The following NUFIP1 variants were observed in gnomAD, a reference collection of about 807,000 sequenced individuals.
The protein encoded by NUFIP1 is FMR1-interacting protein NUFIP1.
Under a neutral mutation model 56.2 loss-of-function variants are expected in NUFIP1, and 38 were observed. The ratio of observed to expected loss-of-function variants is 0.68; its 90% CI spans 0.52 to 0.89. The LOEUF (loss-of-function observed/expected upper bound fraction) is 0.89, where lower values mean the gene tolerates loss of function less well. Among genes scored for constraint, NUFIP1 ranks in the 40% least tolerant of loss-of-function variants. The pLI, the probability that NUFIP1 is intolerant of heterozygous loss-of-function variation, is 0.00. For synonymous variants in NUFIP1, 215 were observed against 212.4 expected (o/e 1.01, Z -0.10); for missense variants, 567 against 605.8 (o/e 0.94, Z 0.67).
chr13:44,984,980 A>G (rs1319381226), intron 1 of NUFIP1, among the ~76,000 whole-genome samples: 1 of 152,172 alleles, frequency 6.6e-6, no homozygotes, highest in Non-Finnish European at 1.5e-5. Flanking sequence ...TGTCCTTGCA[A>G]TAGTTTACTG....
intron 8 of NUFIP1, among the ~76,000 whole-genome samples, chr13:44,947,673 T>C (rs1870944411): frequency 6.6e-6 from 1 of 152,208 alleles, no homozygotes; most frequent in East Asian, 1.9e-4. Flanking sequence ...TACTGTTCCA[T>C]CTTAAGAAAC....
intron 5 of NUFIP1, among the ~76,000 whole-genome samples, chr13:44,974,513 T>C (rs1487408083): frequency 6.6e-6 from 1 of 152,156 alleles, no homozygotes; most frequent in Non-Finnish European, 1.5e-5. Context: ...TGAAAGTAAG[T>C]GGCTGAAACT....
At chr13:44,952,715 A>G (rs1871121472) in intron 7 of NUFIP1, among the ~76,000 whole-genome samples, 1 of 152,258 alleles carries the variant, frequency 6.6e-6, no homozygotes, top group Non-Finnish European at 1.5e-5. Flanking sequence ...TAAGAAGTTA[A>G]CACTGGTACC....
intron 1 of NUFIP1, among the ~76,000 whole-genome samples, chr13:44,987,661 G>A (rs1872450943): frequency 6.6e-6 from 1 of 152,138 alleles, no homozygotes; most frequent in African/African-American, 2.4e-5. Context: ...GGTATCCCCA[G>A]ATCTAGAATC....
At position 44,980,724 on chromosome 13, in the gene NUFIP1, T is replaced by C. The variant is rs952456826; in HGVS notation, c.592A>G (p.Lys198Glu). The change falls in exon 3 of 10, where the codon AAA (lysine) becomes GAA (glutamate). Residue 198 changes from lysine to glutamate, a missense_variant and splice_region_variant. Lys to Glu is a moderately conservative substitution (Grantham distance 56). Transcript: ENST00000379161. ...TCAGGACAACTAAGAAAACCTACTT[T>C]TGTATGTTCAGACATGTGTTTGTCA... ...KYDKHMSEHT[K>E]CPELDCSFTA... The C allele has an allele frequency of 6.9e-6, 11 of 1,591,360 alleles. No homozygotes were observed. The highest frequency in any genetic ancestry group is 1.8e-5 in the Admixed American group (1 of 55,056).
chr13:44,956,811 C>A (rs540679378), intron 7 of NUFIP1, among the ~76,000 whole-genome samples: 1 of 152,242 alleles, frequency 6.6e-6, no homozygotes, highest in East Asian at 1.9e-4. Context: ...ATCCCCGCTC[C>A]CCCCTGGGGT....
chr13:44,952,843 C>T (rs1162978990), intron 7 of NUFIP1, among the ~76,000 whole-genome samples: 1 of 152,222 alleles, frequency 6.6e-6, no homozygotes, highest in Non-Finnish European at 1.5e-5. Flanking sequence ...GTCATGACTC[C>T]TTAATCTTCT....
intron 9 of NUFIP1, among the ~76,000 whole-genome samples, chr13:44,942,838 T>C (rs1400415560): frequency 6.6e-6 from 1 of 152,054 alleles, no homozygotes; most frequent in African/African-American, 2.4e-5. Flanking sequence ...TGGTAGTGCA[T>C]GCCCATAGTC....
Position 44,982,059 on chromosome 13 carries a change from A to G in NUFIP1, c.495+13T>C. 7.0e-7 allele frequency: 1 copy of G among 1,433,772 alleles called. No individual in the cohort carries two copies. The highest frequency in any genetic ancestry group is 9.3e-7 in the Non-Finnish European group (1 of 1,075,558). The allele number at this position is 1,433,772 out of a possible 1,614,324, so 88.8% of individuals were successfully genotyped here. ...GGACCAAGGGGTCAAATTCAAGAAC[A>G]TCTTTCAAATACCTTTTTTTTCTGT... On this transcript the variant is annotated intron_variant, in intron 2 of 9. Transcript: ENST00000379161.
At chr13:44,979,085 C>T in intron 5 of NUFIP1, 105 bp downstream of exon 5, 1 of 878,422 alleles carries the variant, frequency 1.1e-6, no homozygotes, top group Non-Finnish European at 1.8e-6. Flanking sequence ...CCTTATGGTC[C>T]TCTTCCCTAG....
At chr13:44,965,202 C>T (rs1282811554) in intron 6 of NUFIP1, among the ~76,000 whole-genome samples, 1 of 152,192 alleles carries the variant, frequency 6.6e-6, no homozygotes, top group African/African-American at 2.4e-5. Context: ...CCTGTCTCTG[C>T]CTGCTGCCAT....
Position 44,980,435 on chromosome 13 carries a change from C to T in NUFIP1, c.594+287G>A, listed in dbSNP as rs187308689. Reference sequence around the variant, plus strand: ...AAAGGGGAAAGAACTCATTAAGATGCACAAGGTAACTAGAGGAGAGGACAG... The same window carrying T: ...AAAGGGGAAAGAACTCATTAAGATGTACAAGGTAACTAGAGGAGAGGACAG... On this transcript the variant is annotated intron_variant, in intron 3 of 9. Transcript: ENST00000379161. 2.0e-5 allele frequency among the ~76,000 whole-genome samples: 3 copies of T among 152,282 alleles called. No individual in the cohort carries two copies. The East Asian group carries it at 5.8e-4, about 29-fold the overall frequency.
At chr13:44,955,788 C>A (rs1593360221) in intron 7 of NUFIP1, among the ~76,000 whole-genome samples, 2 of 151,610 alleles carry the variant, frequency 1.3e-5, no homozygotes, top group East Asian at 3.9e-4. Context: ...TGTCTTGGGC[C>A]ACACATAAAA....
At chr13:44,985,393 AATC>A in intron 1 of NUFIP1, among the ~76,000 whole-genome samples, 1 of 152,114 alleles carries the variant, frequency 6.6e-6, no homozygotes, top group Non-Finnish European at 1.5e-5. Context: ...TCTTTCAGTA[AATC>A]ATGCAGTCCC....
At chr13:44,981,989 G>C in intron 2 of NUFIP1, 83 bp downstream of exon 2, 1 of 653,482 alleles carries the variant, frequency 1.5e-6, no homozygotes, top group South Asian at 4.8e-5. Context: ...GCAAAACACT[G>C]AAGACAGTTA....
At chr13:44,967,120 G>T (rs1871632224) in intron 5 of NUFIP1, among the ~76,000 whole-genome samples, 1 of 152,066 alleles carries the variant, frequency 6.6e-6, no homozygotes, top group Admixed American at 6.6e-5. Context: ...GGAATGGAAA[G>T]ACTATATCTA....
Position 44,989,091 on chromosome 13 carries a change from T to C in NUFIP1, c.346A>G (p.Thr116Ala), listed in dbSNP as rs750851993. The C allele has an allele frequency of 2.4e-5, 38 of 1,613,978 alleles. No homozygotes were observed. The highest frequency in any genetic ancestry group is 2.8e-5 in the Non-Finnish European group (33 of 1,180,018). ...SGQPWNFHAS[T>A]SWYWRQSSDR... ...GAAGACTGTCTCCAATACCACGATG[T>C]GGAAGCATGGAAATTCCAAGGCTGG... Residue 116 changes from threonine to alanine, a missense_variant, in exon 1 of 10, where the codon ACA (threonine) becomes GCA (alanine). Physicochemically the swap from Thr to Ala is moderately conservative, Grantham distance 58. Transcript: ENST00000379161.
chr13:44,949,199 AT>A (rs11421255), intron 8 of NUFIP1, among the ~76,000 whole-genome samples: 2,905 of 112,438 alleles, frequency 0.026, 27 homozygotes, highest in East Asian at 0.1. Flanking sequence ...ATTATATTGT[AT>A]TTTTTTTTTT....
At position 44,979,311 on chromosome 13, in the gene NUFIP1, G is replaced by A. The variant is rs375969365; in HGVS notation, c.658-45C>T. 16 of 1,485,498 alleles carry A rather than the reference G, an allele frequency of 1.1e-5. No individual in the cohort carries two copies. The African/African-American group carries it at 2.2e-4, about 21-fold the overall frequency. The allele number at this position is 1,485,498 out of a possible 1,614,324, so 92.0% of individuals were successfully genotyped here. A position where few individuals can be genotyped will look rare whatever the true frequency, so the allele number is the denominator to read the frequency against. Reference sequence around the variant, plus strand: ...TGAACATCAGGAGGCAATATCATATGCTTTTGACTAACTTGGAGACTTTGT... The same window carrying A: ...TGAACATCAGGAGGCAATATCATATACTTTTGACTAACTTGGAGACTTTGT... On this transcript the variant is annotated intron_variant, in intron 4 of 9. Coordinates refer to ENST00000379161, the MANE Select transcript of NUFIP1 (RefSeq NM_012345.3).
Sources: gnomAD v4.1 joint callset for allele counts (sites outside exome capture counted in the v4.1 genomes callset) on GRCh38, gnomAD v4.1.1 for gene constraint, MANE v1.5 for transcripts, NCBI Gene and HGNC (gene_info 2026-07-23, HGNC 2026-07-21) for gene names.